The following ARHGAP42 variants were observed in gnomAD, a reference collection of about 807,000 sequenced individuals.
The protein encoded by ARHGAP42 is Rho GTPase activating protein 42, also known as rho GTPase-activating protein 42.
ARHGAP42 carries 63 observed loss-of-function variants against 125.0 expected under a neutral mutation model. That is an observed-to-expected ratio of 0.50 (90% CI 0.41 to 0.62). ARHGAP42 has a LOEUF of 0.62. Among genes scored for constraint, ARHGAP42 ranks in the 20% least tolerant of loss-of-function variants. The pLI is 0.00. For missense variants in ARHGAP42, 766 were observed against 1,024.2 expected, an observed-to-expected ratio of 0.75 and a Z score of 3.44; for synonymous variants, 339 against 351.0, an observed-to-expected ratio of 0.97 and a Z score of 0.38.
intron 9 of ARHGAP42, 53 bp from the exon 10 acceptor site, chr11:100,943,706 T>C: frequency 8.2e-7 from 1 of 1,224,538 alleles, no homozygotes; most frequent in African/African-American, 1.5e-5. Flanking sequence ...ATATTTAATA[T>C]ATTTCAATTC....
intron 3 of ARHGAP42, among the ~76,000 whole-genome samples, chr11:100,841,195 GGA>G (rs2135112244): frequency 6.6e-6 from 1 of 152,288 alleles, no homozygotes; most frequent in African/African-American, 2.4e-5. Context: ...CTTTCACCCT[GGA>G]AAGAAGTTGC....
At position 100,795,102 on chromosome 11, in the gene ARHGAP42, C is replaced by T; in HGVS notation, c.251-3C>T. On this transcript the variant is annotated splice_region_variant and splice_polypyrimidine_tract_variant and intron_variant, in intron 2 of 23. Transcript: ENST00000298815. ...CTTTGCATTTTTTTATCTTTCCAAA[C>T]AGCTCAGTCACTAAAAGAATTTGCA... 6.5e-7 allele frequency: 1 copy of T among 1,539,522 alleles called. No individual in the cohort carries two copies. The highest frequency in any genetic ancestry group is 2.0e-5 in the Admixed American group (1 of 49,172).
chr11:100,790,344 T>A (rs967350833), intron 2 of ARHGAP42, among the ~76,000 whole-genome samples: 5 of 151,856 alleles, frequency 3.3e-5, no homozygotes, highest in Admixed American at 1.3e-4. Flanking sequence ...CAGTAATAGT[T>A]TTTTTTTTTG....
intron 4 of ARHGAP42, 79 bp from the exon 5 acceptor site, chr11:100,913,373 C>A: frequency 2.1e-6 from 1 of 484,498 alleles, no homozygotes; most frequent in South Asian, 2.3e-5. Flanking sequence ...TTACATGGGA[C>A]TTTGATGGGA....
intron 4 of ARHGAP42, among the ~76,000 whole-genome samples, chr11:100,885,899 AC>A (rs1440196298): frequency 6.6e-6 from 1 of 152,216 alleles, no homozygotes; most frequent in African/African-American, 2.4e-5. Context: ...CACAAAAAGA[AC>A]TAAGTGCTGT....
chr11:100,794,076 A>T (rs1463074625), intron 2 of ARHGAP42, among the ~76,000 whole-genome samples: 1 of 10,404 alleles, frequency 9.6e-5, no homozygotes. Flanking sequence ...ACCCTGTCTC[A>T]AAAAAAAAAA....
Position 100,959,902 on chromosome 11 carries a change from G to A in ARHGAP42, c.1182G>A (p.Gly394=), listed in dbSNP as rs536479001. 4 of 1,551,446 alleles carry A rather than the reference G, an allele frequency of 2.6e-6. No individual in the cohort carries two copies. The highest frequency in any genetic ancestry group is 3.5e-6 in the Non-Finnish European group (4 of 1,146,584). The change falls in exon 13 of 24, where the codon GGG becomes GGA. Residue 394 remains glycine (G), a synonymous_variant. Coordinates refer to ENST00000298815, the MANE Select transcript of ARHGAP42 (RefSeq NM_152432.4). ...KKEEMYLNEA[G]FNFVRKCIQA... is the part of the protein sequence containing the mutation. ...TTTCAGTGTATTTGAATGAAGCAGG[G>A]TTCAACTTTGTGAGAAAATGCATTC...
At chr11:100,935,677 C>G (rs10895029) in intron 7 of ARHGAP42, among the ~76,000 whole-genome samples, 6,856 of 146,540 alleles carry the variant, frequency 0.047, 298 homozygotes, top group East Asian at 0.24. Context: ...CACACACACA[C>G]AGAGAGAGAG....
chr11:100,970,693 T>A (rs1047490933), intron 17 of ARHGAP42, among the ~76,000 whole-genome samples: 3 of 152,118 alleles, frequency 2.0e-5, no homozygotes, highest in Non-Finnish European at 2.9e-5. Context: ...AGTTTTCTGT[T>A]CTTATGGACT....
intron 1 of ARHGAP42, among the ~76,000 whole-genome samples, chr11:100,730,846 A>G (rs1162373408): frequency 1.3e-5 from 2 of 152,244 alleles, no homozygotes; most frequent in Non-Finnish European, 2.9e-5. Context: ...AAACCTGTAC[A>G]GCATATGATT....
chr11:100,892,035 A>C (rs762317357), intron 4 of ARHGAP42, among the ~76,000 whole-genome samples: 1 of 152,236 alleles, frequency 6.6e-6, no homozygotes, highest in Non-Finnish European at 1.5e-5. Context: ...TTAGTAGAGC[A>C]TAAAATATGA....
intron 8 of ARHGAP42, among the ~76,000 whole-genome samples, chr11:100,940,572 G>A (rs1414246093): frequency 6.6e-6 from 1 of 152,130 alleles, no homozygotes; most frequent in Non-Finnish European, 1.5e-5. Context: ...GGTGCTATGG[G>A]AAAGGGTTAC....
At chr11:100,821,952 A>T (rs906642791) in intron 3 of ARHGAP42, among the ~76,000 whole-genome samples, 1 of 152,078 alleles carries the variant, frequency 6.6e-6, no homozygotes, top group African/African-American at 2.4e-5. Context: ...GTTTCTTTCG[A>T]TTTCTTCATC....
intron 1 of ARHGAP42, among the ~76,000 whole-genome samples, chr11:100,711,256 T>C (rs1040237092): frequency 2.0e-5 from 3 of 152,214 alleles, no homozygotes; most frequent in Non-Finnish European, 4.4e-5. Flanking sequence ...CATATTCTCT[T>C]ATCAATCTTT....
At chr11:100,762,189 A>G (rs1393503276) in intron 1 of ARHGAP42, among the ~76,000 whole-genome samples, 1 of 152,250 alleles carries the variant, frequency 6.6e-6, no homozygotes, top group Non-Finnish European at 1.5e-5. Context: ...GACTCTGAAT[A>G]TACTTCTGCT....
chr11:100,706,829 CCAT>C (rs1861488406), intron 1 of ARHGAP42, among the ~76,000 whole-genome samples: 2 of 152,240 alleles, frequency 1.3e-5, no homozygotes, highest in East Asian at 3.9e-4. Context: ...AGTTGTACAA[CCAT>C]TACTGCTATC....
chr11:100,925,204 G>T (rs1213442105), intron 6 of ARHGAP42, among the ~76,000 whole-genome samples: 1 of 151,810 alleles, frequency 6.6e-6, no homozygotes, highest in Non-Finnish European at 1.5e-5. Flanking sequence ...ATATAGAAAG[G>T]GATTATAGCT....
intron 1 of ARHGAP42, among the ~76,000 whole-genome samples, chr11:100,769,152 T>G (rs1293767433): frequency 6.6e-6 from 1 of 152,188 alleles, no homozygotes. Flanking sequence ...AGATACAGTA[T>G]AAAAGATTTT....
intron 1 of ARHGAP42, among the ~76,000 whole-genome samples, chr11:100,700,552 G>T (rs981192615): frequency 6.6e-6 from 1 of 152,088 alleles, no homozygotes; most frequent in African/African-American, 2.4e-5. Flanking sequence ...ATTCTAAATC[G>T]CTTGCTGTCA....
Sources: gnomAD v4.1 joint callset for allele counts (sites outside exome capture counted in the v4.1 genomes callset) on GRCh38, gnomAD v4.1.1 for gene constraint, MANE v1.5 for transcripts, NCBI Gene and HGNC (gene_info 2026-07-23, HGNC 2026-07-21) for gene names.